AFAP1: variants seen among roughly 807,000 people sequenced by gnomAD.
AFAP1 encodes the protein actin filament-associated protein 1.
A neutral mutation model predicts 93.9 loss-of-function variants in AFAP1; 75 were observed. The ratio of observed to expected loss-of-function variants is 0.80; its 90% CI spans 0.66 to 0.97. The LOEUF (loss-of-function observed/expected upper bound fraction) is 0.97, where lower values mean the gene tolerates loss of function less well. AFAP1 is among the 50% of genes least tolerant of loss of function. AFAP1 has a pLI of 0.00. For missense variants in AFAP1, 1,201 were observed against 1,050.8 expected, an observed-to-expected ratio of 1.14 and a Z score of -1.98; for synonymous variants, 517 against 430.7, an observed-to-expected ratio of 1.20 and a Z score of -2.48.
intron 10 of AFAP1, among the ~76,000 whole-genome samples, chr4:7,797,484 G>A (rs6829473): frequency 0.16 from 25,102 of 152,152 alleles, 2,223 homozygotes; most frequent in African/African-American, 0.21. Flanking sequence ...ATGGGCTCCC[G>A]CTATAATTCT....
chr4:7,935,146 GT>G (rs933346092), intron 1 of AFAP1, among the ~76,000 whole-genome samples: 48 of 151,226 alleles, frequency 3.2e-4, no homozygotes, highest in Non-Finnish European at 6.5e-4. Flanking sequence ...TTCTTAATGG[GT>G]TTTTTTTTAA....
rs1713923702 is a variant in AFAP1, at chr4:7,762,296, A to AC, written c.*1468_*1469insG. 1.3e-5 allele frequency: 2 copies of AC among 152,208 alleles called. No homozygotes were observed. Among genetic ancestry groups the AC allele is most frequent in the South Asian group, 2.1e-4 (1 of 4,824 alleles). 9.4% of individuals were successfully genotyped at this position (152,208 alleles called of 1,614,324 possible). On this transcript the variant is annotated 3_prime_UTR_variant, in exon 18 of 18. Coordinates refer to ENST00000420658, the MANE Select transcript of AFAP1 (RefSeq NM_001134647.2). ...TTCCCGCCATCTCTTCCTCTGTGTG[A>AC]AAAAGGACATTCTGGACAGTGGACA...
intron 6 of AFAP1, among the ~76,000 whole-genome samples, chr4:7,830,373 A>T (rs7682202): frequency 0.83 from 125,901 of 152,054 alleles, 52,596 homozygotes; most frequent in African/African-American, 0.93. Context: ...AGAGAAGACA[A>T]GAAACGCGAG....
In AFAP1 at chr4:7,865,373, C is replaced by T. The variant is rs115409409; in HGVS notation, c.225+3249G>A. Among the ~76,000 whole-genome samples, 230 of 152,344 alleles carry T rather than the reference C, an allele frequency of 1.5e-3. 2 individuals carry two copies. Among genetic ancestry groups the T allele is most frequent in the African/African-American group, 5.5e-3 (228 of 41,578 alleles). ...TGGTAGCTCACGCCTGTAATTCCAA[C>T]ACTTAAATCATTCACTTAAATTTAA... On this transcript the variant is annotated intron_variant, in intron 3 of 17. Coordinates refer to ENST00000420658, the MANE Select transcript of AFAP1 (RefSeq NM_001134647.2).
chr4:7,913,799 G>C (rs1173148687), intron 1 of AFAP1, among the ~76,000 whole-genome samples: 1 of 152,130 alleles, frequency 6.6e-6, no homozygotes, highest in African/African-American at 2.4e-5. Context: ...GCCAAGTTTA[G>C]TTAAAATAAA....
Position 7,759,955 on chromosome 4 carries a change from G to A in AFAP1, c.*3810C>T, listed in dbSNP as rs150105751. On this transcript the variant is annotated 3_prime_UTR_variant, in exon 18 of 18. Coordinates refer to ENST00000420658, the MANE Select transcript of AFAP1 (RefSeq NM_001134647.2). ...CGTGCATGAACACAGCACCTCACCT[G>A]GGTGGCAAAGTCTGTGGGCAAAATT... 6.6e-6 allele frequency: 1 copy of A among 152,276 alleles called. No individual in the cohort carries two copies. Among genetic ancestry groups the A allele is most frequent in the Non-Finnish European group, 1.5e-5 (1 of 68,058 alleles). The allele number at this position is 152,276 out of a possible 1,614,324, so 9.4% of individuals were successfully genotyped here.
At chr4:7,834,092 T>TACACACACACACACACACACACAC (rs142790415) in intron 6 of AFAP1, among the ~76,000 whole-genome samples, 4 of 126,588 alleles carry the variant, frequency 3.2e-5, no homozygotes, top group African/African-American at 1.3e-4. Context: ...AACTGTGGCA[T>TACACACACACACACACACACACAC]ACACACACAC....
At chr4:7,933,448 C>G (rs1293617433) in intron 1 of AFAP1, among the ~76,000 whole-genome samples, 1 of 152,182 alleles carries the variant, frequency 6.6e-6, no homozygotes, top group African/African-American at 2.4e-5. Flanking sequence ...TGGCAAGCAC[C>G]TGTAATCCCA....
intron 10 of AFAP1, among the ~76,000 whole-genome samples, chr4:7,798,238 G>C: frequency 1.4e-5 from 2 of 143,016 alleles, no homozygotes; most frequent in Non-Finnish European, 3.0e-5. Flanking sequence ...CTGGCTCACG[G>C]CACTGCAACT....
At chr4:7,861,072 C>T (rs1715625287) in intron 3 of AFAP1, among the ~76,000 whole-genome samples, 2 of 152,218 alleles carry the variant, frequency 1.3e-5, no homozygotes, top group South Asian at 2.1e-4. Flanking sequence ...GAAATACATA[C>T]ACCTAGGATT....
Position 7,763,680 on chromosome 4 carries a change from T to G in AFAP1, c.*85A>C. 1 of 1,520,538 alleles carries G rather than the reference T, an allele frequency of 6.6e-7. No individual in the cohort carries two copies. The highest frequency in any genetic ancestry group is 8.9e-7 in the Non-Finnish European group (1 of 1,119,308). 94.2% of individuals were successfully genotyped at this position (1,520,538 alleles called of 1,614,324 possible). A position where few individuals can be genotyped will look rare whatever the true frequency, so the allele number is the denominator to read the frequency against. ...TGGAGTCGTGCAGCTGAGGCCACTCTGGGCAGAGCTTCCTGCCGTCACACA... is the reference window on the plus strand; with the variant it reads ...TGGAGTCGTGCAGCTGAGGCCACTCGGGGCAGAGCTTCCTGCCGTCACACA... On this transcript the variant is annotated 3_prime_UTR_variant, in exon 18 of 18. Transcript: ENST00000420658.
In AFAP1 at chr4:7,874,367, T is replaced by TC. The variant is rs1284614846; in HGVS notation, c.-2-2288_-2-2287insG. Among the ~76,000 whole-genome samples, 506 of 135,552 alleles carry TC rather than the reference T, an allele frequency of 3.7e-3. 5 individuals are homozygous for TC. Among genetic ancestry groups the TC allele is most frequent in the African/African-American group, 0.014 (470 of 34,396 alleles). 88.9% of individuals were successfully genotyped at this position (135,552 alleles called of 152,430 possible). On this transcript the variant is annotated intron_variant, in intron 1 of 17. Transcript: ENST00000420658. The stretch of plus-strand genomic sequence containing the variant: ...CAGATTGCCTTTTTCTTTTTTTTTT[T>TC]TTTTTTTTTTTTTTGAGACAGAGTC...
chr4:7,885,495 G>A (rs903826601), intron 1 of AFAP1, among the ~76,000 whole-genome samples: 1 of 152,204 alleles, frequency 6.6e-6, no homozygotes, highest in African/African-American at 2.4e-5. Context: ...CCGCTATGCT[G>A]TAATAACAGG....
intron 1 of AFAP1, among the ~76,000 whole-genome samples, chr4:7,886,414 AG>A (rs1414984083): frequency 1.3e-5 from 2 of 152,234 alleles, no homozygotes; most frequent in African/African-American, 4.8e-5. Context: ...ATCGCTGTGC[AG>A]TTTCAACTCT....
At chr4:7,819,356 A>G (rs1720766388) in intron 6 of AFAP1, among the ~76,000 whole-genome samples, 185 bp from the exon 7 acceptor site, 2 of 152,174 alleles carry the variant, frequency 1.3e-5, no homozygotes, top group African/African-American at 4.8e-5. Context: ...TCATTCACCC[A>G]AAGTCTATCA....
intron 11 of AFAP1, among the ~76,000 whole-genome samples, chr4:7,789,667 C>A (rs1411652465): frequency 6.7e-6 from 1 of 148,308 alleles, no homozygotes; most frequent in African/African-American, 2.5e-5. Flanking sequence ...AGCCCGCTTT[C>A]CATCCTCTTT....
chr4:7,841,930 C>G (rs547307587), intron 5 of AFAP1, among the ~76,000 whole-genome samples: 16 of 152,184 alleles, frequency 1.1e-4, no homozygotes, highest in African/African-American at 3.1e-4. Flanking sequence ...GGACCAGGGA[C>G]TCAGAACCCC....
chr4:7,938,519 T>C (rs985053239), intron 1 of AFAP1, among the ~76,000 whole-genome samples: 1 of 152,038 alleles, frequency 6.6e-6, no homozygotes, highest in Non-Finnish European at 1.5e-5. Context: ...CAGCATCAGG[T>C]CTTCCCATCA....
At chr4:7,930,174 A>G (rs1262770507) in intron 1 of AFAP1, among the ~76,000 whole-genome samples, 2 of 152,244 alleles carry the variant, frequency 1.3e-5, no homozygotes, top group Admixed American at 1.3e-4. Flanking sequence ...TATTACAAAG[A>G]ATAGAACACG....
Sources: gnomAD v4.1 joint callset for allele counts (sites outside exome capture counted in the v4.1 genomes callset) on GRCh38, gnomAD v4.1.1 for gene constraint, MANE v1.5 for transcripts, NCBI Gene and HGNC (gene_info 2026-07-23, HGNC 2026-07-21) for gene names.